NALF1: variants seen among roughly 807,000 people sequenced by gnomAD.
NALF1 encodes the protein NALCN channel auxiliary factor 1, also known as family with sequence similarity 155 member A.
NALF1 carries 3 observed loss-of-function variants against 48.4 expected under a neutral mutation model. The ratio of observed to expected loss-of-function variants is 0.06; its 90% CI spans 0.03 to 0.16. The LOEUF is 0.16. Ranked by LOEUF, NALF1 falls within the 10% of genes least tolerant of loss-of-function variation. NALF1 has a pLI of 1.00. For synonymous variants in NALF1, 262 were observed against 245.7 expected (o/e 1.07, Z -0.62); for missense variants, 526 against 571.5 (o/e 0.92, Z 0.81).
chr13:107,451,275 G>A (rs1026770703), intron 1 of NALF1, among the ~76,000 whole-genome samples: 3 of 152,212 alleles, frequency 2.0e-5, no homozygotes, highest in African/African-American at 4.8e-5. Context: ...GGAGACTTGA[G>A]CGTGGTGAGA....
chr13:107,395,774 G>A (rs542549269), intron 1 of NALF1, among the ~76,000 whole-genome samples: 32 of 151,974 alleles, frequency 2.1e-4, no homozygotes, highest in Non-Finnish European at 4.1e-4. Flanking sequence ...ACTTGTAGAC[G>A]GCCGTCTTCT....
chr13:107,372,102 C>T (rs1594141789), intron 1 of NALF1, among the ~76,000 whole-genome samples: 1 of 150,328 alleles, frequency 6.7e-6, no homozygotes, highest in Non-Finnish European at 1.5e-5. Flanking sequence ...TCATAGCCTG[C>T]ACAGCCGCAG....
intron 1 of NALF1, among the ~76,000 whole-genome samples, chr13:107,481,582 C>T (rs774240130): frequency 5.6e-4 from 85 of 152,130 alleles, no homozygotes; most frequent in East Asian, 1.9e-4. Flanking sequence ...TATTAATCAC[C>T]TACTTGATGG....
At position 107,298,395 on chromosome 13, in the gene NALF1, C is replaced by CACACACA. The variant is rs1258201021; in HGVS notation, c.916-87647_916-87641dup. Among the ~76,000 whole-genome samples the CACACACA allele has an allele frequency of 3.7e-5, 5 of 135,548 alleles. No individual in the cohort carries two copies. In the East Asian group the frequency reaches 1.1e-3, roughly 30 times the overall value. 88.9% of individuals were successfully genotyped at this position (135,548 alleles called of 152,430 possible). On this transcript the variant is annotated intron_variant, in intron 1 of 2. Coordinates refer to ENST00000375915, the MANE Select transcript of NALF1 (RefSeq NM_001080396.3). ...AAAAAAAAAAAGACAAAAAGACACA[C>CACACACA]ACACACATACATATACACGTTTCTT...
intron 1 of NALF1, among the ~76,000 whole-genome samples, chr13:107,800,575 A>G (rs1261326828): frequency 6.8e-6 from 1 of 147,768 alleles, no homozygotes; most frequent in Non-Finnish European, 1.5e-5. Context: ...ACTGTATTTA[A>G]TATAATATAC....
At chr13:107,660,635 T>C (rs565393499) in intron 1 of NALF1, among the ~76,000 whole-genome samples, 7 of 152,242 alleles carry the variant, frequency 4.6e-5, no homozygotes, top group Middle Eastern at 3.4e-3. Context: ...AAGCATGATT[T>C]TTAGGGCACA....
At chr13:107,733,262 A>T (rs1295002513) in intron 1 of NALF1, among the ~76,000 whole-genome samples, 5 of 152,226 alleles carry the variant, frequency 3.3e-5, no homozygotes, top group African/African-American at 9.6e-5. Flanking sequence ...GAGAGGCTCC[A>T]GCAGTGACAG....
At chr13:107,267,248 G>A (rs985935540) in intron 1 of NALF1, among the ~76,000 whole-genome samples, 14 of 152,156 alleles carry the variant, frequency 9.2e-5, no homozygotes, top group African/African-American at 3.4e-4. Context: ...AGTAGTTAAT[G>A]TAAAGCTTAC....
At chr13:107,711,551 G>C (rs1378570568) in intron 1 of NALF1, among the ~76,000 whole-genome samples, 1 of 152,154 alleles carries the variant, frequency 6.6e-6, no homozygotes, top group Non-Finnish European at 1.5e-5. Flanking sequence ...GGCCAGGCTG[G>C]TCTTTATAGT....
chr13:107,230,415 G>A (rs1880195589), intron 1 of NALF1, among the ~76,000 whole-genome samples: 1 of 152,068 alleles, frequency 6.6e-6, no homozygotes, highest in Admixed American at 6.6e-5. Flanking sequence ...AATAAGGTCA[G>A]CATTATCTGT....
chr13:107,176,662 T>A (rs931424883), intron 2 of NALF1, among the ~76,000 whole-genome samples: 19 of 151,120 alleles, frequency 1.3e-4, no homozygotes, highest in African/African-American at 4.4e-4. Context: ...TAAAAAAAAA[T>A]AATAATACGC....
At chr13:107,845,971 A>G (rs1387486015) in intron 1 of NALF1, among the ~76,000 whole-genome samples, 1 of 152,232 alleles carries the variant, frequency 6.6e-6, no homozygotes, top group Non-Finnish European at 1.5e-5. Context: ...ATGAATATAT[A>G]TATTAGAGTA....
intron 1 of NALF1, among the ~76,000 whole-genome samples, chr13:107,845,740 C>T (rs555317003): frequency 3.0e-4 from 46 of 152,210 alleles, no homozygotes; most frequent in African/African-American, 1.1e-3. Flanking sequence ...ATGCTAACTT[C>T]CCCACTCTCT....
chr13:107,325,424 T>C (rs1882333144), intron 1 of NALF1, among the ~76,000 whole-genome samples: 1 of 152,144 alleles, frequency 6.6e-6, no homozygotes, highest in Non-Finnish European at 1.5e-5. Flanking sequence ...AGACAAATAA[T>C]TCATGGAATA....
rs1449283976 is a variant in NALF1 at position 107,165,715 on chromosome 13, C to T, written c.*4782G>A. 6.6e-6 allele frequency: 1 copy of T among 151,994 alleles called. No individual in the cohort carries two copies. The highest frequency in any genetic ancestry group is 1.5e-5 in the Non-Finnish European group (1 of 68,024). 9.4% of individuals were successfully genotyped at this position (151,994 alleles called of 1,614,324 possible). A position where few individuals can be genotyped will look rare whatever the true frequency, so the allele number is the denominator to read the frequency against. On this transcript the variant is annotated 3_prime_UTR_variant, in exon 3 of 3. Coordinates refer to ENST00000375915, the MANE Select transcript of NALF1 (RefSeq NM_001080396.3). Reference sequence around the variant, plus strand: ...AAACTATACTTAGTTATTTTCCTTCCCCCCCACTGAAAGTCTTTTTATTCA... The same window carrying T: ...AAACTATACTTAGTTATTTTCCTTCTCCCCCACTGAAAGTCTTTTTATTCA...
intron 1 of NALF1, among the ~76,000 whole-genome samples, chr13:107,541,477 A>G (rs1876997257): frequency 6.6e-6 from 1 of 152,168 alleles, no homozygotes. Flanking sequence ...GTTTAAAAAG[A>G]GAAAGAGAAG....
chr13:107,740,192 A>G (rs552692551), intron 1 of NALF1, among the ~76,000 whole-genome samples: 3 of 152,340 alleles, frequency 2.0e-5, no homozygotes, highest in African/African-American at 7.2e-5. Context: ...ACATTGCACA[A>G]TTTATATCTG....
intron 1 of NALF1, among the ~76,000 whole-genome samples, chr13:107,494,720 TC>T (rs1875266604): frequency 2.0e-5 from 3 of 152,168 alleles, no homozygotes; most frequent in Admixed American, 6.5e-5. Flanking sequence ...TGACAGTGTT[TC>T]CTAAAAGTTC....
At chr13:107,558,501 T>C (rs1158654663) in intron 1 of NALF1, among the ~76,000 whole-genome samples, 1 of 152,160 alleles carries the variant, frequency 6.6e-6, no homozygotes, top group Non-Finnish European at 1.5e-5. Flanking sequence ...ACAAATAAAA[T>C]ACTAAGAGCA....
Sources: gnomAD v4.1 joint callset for allele counts (sites outside exome capture counted in the v4.1 genomes callset) on GRCh38, gnomAD v4.1.1 for gene constraint, MANE v1.5 for transcripts, NCBI Gene and HGNC (gene_info 2026-07-23, HGNC 2026-07-21) for gene names.